The following TNIP1 variants were observed in gnomAD, a reference collection of about 807,000 sequenced individuals.
The protein encoded by TNIP1 is TNFAIP3-interacting protein 1.
A neutral mutation model predicts 86.6 loss-of-function variants in TNIP1; 22 were observed. The observed-to-expected ratio is 0.25, with a 90% CI of 0.18 to 0.36. TNIP1 has a LOEUF of 0.36. Ranked by LOEUF, TNIP1 falls within the 10% of genes least tolerant of loss-of-function variation. TNIP1 has a pLI of 1.00. For missense variants in TNIP1, 709 were observed against 820.6 expected, an observed-to-expected ratio of 0.86 and a Z score of 1.66; for synonymous variants, 294 against 313.0, an observed-to-expected ratio of 0.94 and a Z score of 0.64.
At position 151,039,113 on chromosome 5, in the gene TNIP1, A is replaced by T; in HGVS notation, c.1247T>A (p.Ile416Asn). Residue 416 changes from isoleucine to asparagine, a missense_variant, in exon 12 of 18, where the codon ATC becomes AAC. Transcript: ENST00000521591. ...GGCACCCACCTTGTTGAGCCGCTGGATCTCCTTTTCCTGGTACTCACGCTG... is the reference window on the plus strand; with the variant it reads ...GGCACCCACCTTGTTGAGCCGCTGGTTCTCCTTTTCCTGGTACTCACGCTG... Reference protein sequence around the residue: ...TRQREYQEKEIQRLNKALEEA... With the variant: ...TRQREYQEKENQRLNKALEEA... 2 of 1,613,734 alleles carry T rather than the reference A, an allele frequency of 1.2e-6. No individual in the cohort carries two copies. Among genetic ancestry groups the T allele is most frequent in the Non-Finnish European group, 1.7e-6 (2 of 1,179,824 alleles).
chr5:151,080,647 G>A (rs1398497296), intron 1 of TNIP1, among the ~76,000 whole-genome samples: 2 of 152,142 alleles, frequency 1.3e-5, no homozygotes, highest in South Asian at 2.1e-4. Flanking sequence ...GTTCCCAGGC[G>A]TGCTACCCCG....
chr5:151,030,800 C>G, intron 17 of TNIP1, 53 bp from the exon 18 acceptor site: 1 of 1,466,936 alleles, frequency 6.8e-7, no homozygotes, highest in Non-Finnish European at 9.4e-7. Context: ...GAGCGAGTTT[C>G]AAAGTCTCTT....
chr5:151,035,085 G>A lies in TNIP1; in HGVS notation c.1522-18C>T. 1 of 1,612,208 alleles carries A rather than the reference G, an allele frequency of 6.2e-7. No individual in the cohort carries two copies. The highest frequency in any genetic ancestry group is 8.5e-7 in the Non-Finnish European group (1 of 1,179,218). ...GCTTTTAGCTGAGAGAAGAAGGGAGGGAGAAAAGACTGTCGGCACAGGTGG... is the reference window on the plus strand; with the variant it reads ...GCTTTTAGCTGAGAGAAGAAGGGAGAGAGAAAAGACTGTCGGCACAGGTGG... On this transcript the variant is annotated intron_variant, in intron 14 of 17. Coordinates refer to ENST00000521591, the MANE Select transcript of TNIP1 (RefSeq NM_006058.5).
chr5:151,037,204 AG>A (rs1757820082), intron 12 of TNIP1: 1 of 256,074 alleles, frequency 3.9e-6, no homozygotes, highest in Admixed American at 5.3e-5. Context: ...TCCAAGGTCA[AG>A]GTCACACAGC....
At chr5:151,062,319 C>T in intron 3 of TNIP1, 107 bp from the exon 4 acceptor site, 2 of 1,019,348 alleles carry the variant, frequency 2.0e-6, no homozygotes, top group Middle Eastern at 3.1e-4. Flanking sequence ...CAGGATTCCC[C>T]ACTCGAGTGT....
chr5:151,059,866 T>TGTGTGC (rs142393672), intron 5 of TNIP1, among the ~76,000 whole-genome samples: 954 of 82,286 alleles, frequency 0.012, 25 homozygotes, highest in Non-Finnish European at 0.017. Flanking sequence ...TGTGTGTGTG[T>TGTGTGC]GCGCGCGCGC....
intron 17 of TNIP1, among the ~76,000 whole-genome samples, chr5:151,031,274 C>T (rs10463311): frequency 0.66 from 100,281 of 152,070 alleles, 33,977 homozygotes; most frequent in Non-Finnish European, 0.75. Context: ...GGACACTCGC[C>T]ACCTCCCAGA....
chr5:151,059,818 A>AGTGTGT (rs1561512723), intron 5 of TNIP1, among the ~76,000 whole-genome samples: 7 of 103,044 alleles, frequency 6.8e-5, no homozygotes, highest in African/African-American at 3.5e-4. Flanking sequence ...AGAGAGAGAG[A>AGTGTGT]GAGAGAGAGA....
intron 15 of TNIP1, chr5:151,034,623 C>T: frequency 3.0e-6 from 1 of 329,844 alleles, no homozygotes; most frequent in Non-Finnish European, 5.7e-6. Flanking sequence ...AAGGCTGGTA[C>T]ATGGGCATGG....
At chr5:151,084,774 G>A (rs1419046870), upstream of TNIP1, among the ~76,000 whole-genome samples, 1 of 152,166 alleles carries the variant, frequency 6.6e-6, no homozygotes, top group Non-Finnish European at 1.5e-5. Context: ...CCCTTCCTTA[G>A]ATCCATAACC....
intron 8 of TNIP1, among the ~76,000 whole-genome samples, chr5:151,048,289 A>T (rs937925972): frequency 2.0e-5 from 3 of 152,174 alleles, no homozygotes; most frequent in African/African-American, 7.2e-5. Flanking sequence ...GCTGGCCCCA[A>T]ATCTCCCCTA....
At chr5:151,084,628 C>T (rs1234445079), upstream of TNIP1, among the ~76,000 whole-genome samples, 1 of 152,130 alleles carries the variant, frequency 6.6e-6, no homozygotes, top group Non-Finnish European at 1.5e-5. Flanking sequence ...ACATACCCCA[C>T]TGATAGGAAA....
chr5:151,055,546 G>T (rs1380444719), intron 6 of TNIP1, among the ~76,000 whole-genome samples: 1 of 152,138 alleles, frequency 6.6e-6, no homozygotes, highest in Non-Finnish European at 1.5e-5. Flanking sequence ...GGCTCTCCAG[G>T]CCTCTGCCTC....
intron 6 of TNIP1, among the ~76,000 whole-genome samples, chr5:151,055,192 G>A (rs1033562721): frequency 6.6e-6 from 1 of 151,966 alleles, no homozygotes; most frequent in African/African-American, 2.4e-5. Context: ...CATGGTGCCT[G>A]CCCCCCTCAA....
chr5:151,054,032 T>C (rs970870020), intron 6 of TNIP1, among the ~76,000 whole-genome samples: 16 of 152,302 alleles, frequency 1.1e-4, no homozygotes, highest in African/African-American at 3.8e-4. Context: ...GATGCAACCA[T>C]GTGACTAGTT....
intron 1 of TNIP1, among the ~76,000 whole-genome samples, chr5:151,073,187 A>T (rs1229010171): frequency 6.8e-6 from 1 of 147,488 alleles, no homozygotes; most frequent in Non-Finnish European, 1.5e-5. Context: ...ACGCCACAGC[A>T]CTCCAGCCTG....
At chr5:151,057,068 C>A (rs1760765456) in intron 5 of TNIP1, 111 bp from the exon 6 acceptor site, 1 of 1,131,866 alleles carries the variant, frequency 8.8e-7, no homozygotes, top group Non-Finnish European at 1.2e-6. Flanking sequence ...CCCCCTGTGA[C>A]CCCAGCTCAG....
chr5:151,084,318 G>A (rs10463314), upstream of TNIP1, among the ~76,000 whole-genome samples: 54,707 of 151,810 alleles, frequency 0.36, 11,056 homozygotes, highest in East Asian at 0.72. Context: ...GGTGGTGGGC[G>A]CCTGTAATCC....
chr5:151,044,524 G>A (rs984881261), intron 9 of TNIP1, among the ~76,000 whole-genome samples: 6 of 152,050 alleles, frequency 3.9e-5, no homozygotes, highest in African/African-American at 7.2e-5. Context: ...TTTTTGTAAT[G>A]AGCATTATAT....
Sources: allele counts gnomAD v4.1 joint callset (sites outside exome capture counted in the v4.1 genomes callset), GRCh38; gene constraint gnomAD v4.1.1; transcripts MANE v1.5; gene names NCBI Gene and HGNC (gene_info 2026-07-23, HGNC 2026-07-21).